RALGPS1: variants seen among roughly 807,000 people sequenced by gnomAD.
RALGPS1 encodes ras-specific guanine nucleotide-releasing factor RalGPS1.
A neutral mutation model predicts 78.8 loss-of-function variants in RALGPS1; 19 were observed. The ratio of observed to expected loss-of-function variants is 0.24; its 90% CI spans 0.17 to 0.35. RALGPS1 has a LOEUF of 0.35. RALGPS1 is among the 10% of genes least tolerant of loss of function. The pLI, the probability that RALGPS1 is intolerant of heterozygous loss-of-function variation, is 1.00. For synonymous variants in RALGPS1, 228 were observed against 256.3 expected, an observed-to-expected ratio of 0.89 and a Z score of 1.06; for missense variants, 454 against 688.3, an observed-to-expected ratio of 0.66 and a Z score of 3.81.
intron 1 of RALGPS1, among the ~76,000 whole-genome samples, chr9:126,929,528 C>T (rs192280160): frequency 1.4e-5 from 2 of 147,630 alleles, no homozygotes; most frequent in African/African-American, 4.9e-5. Flanking sequence ...CTTAGCTCAC[C>T]GCAACCTCCA....
Position 127,202,984 on chromosome 9 carries a change from G to A in RALGPS1, c.1247+3918G>A, listed in dbSNP as rs2061725739. 2.0e-5 allele frequency among the ~76,000 whole-genome samples: 3 copies of A among 152,158 alleles called. No homozygotes were observed. The South Asian group carries it at 6.2e-4, about 32-fold the overall frequency. On this transcript the variant is annotated intron_variant, in intron 14 of 18. Coordinates refer to ENST00000259351, the MANE Select transcript of RALGPS1 (RefSeq NM_014636.3). ...TCAGGATGATCTCCAACCAACCTCGGGCCCCTTGGAAACCAACAGGGAAGG... is the reference window on the plus strand; with the variant it reads ...TCAGGATGATCTCCAACCAACCTCGAGCCCCTTGGAAACCAACAGGGAAGG...
At chr9:127,163,784 A>G (rs1186308089) in intron 8 of RALGPS1, among the ~76,000 whole-genome samples, 1 of 152,264 alleles carries the variant, frequency 6.6e-6, no homozygotes, top group African/African-American at 2.4e-5. Flanking sequence ...TATAACTCTT[A>G]GTGCAGTGCT....
chr9:126,954,752 A>G (rs1490726726), intron 1 of RALGPS1, among the ~76,000 whole-genome samples: 2 of 152,212 alleles, frequency 1.3e-5, no homozygotes, highest in Non-Finnish European at 2.9e-5. Context: ...CAGTGAGCCA[A>G]GATTGCGCCA....
At chr9:126,918,842 T>G (rs1004236399) in intron 1 of RALGPS1, among the ~76,000 whole-genome samples, 1 of 151,960 alleles carries the variant, frequency 6.6e-6, no homozygotes, top group African/African-American at 2.4e-5. Context: ...CTGGCTAATT[T>G]TGTATTTTTA....
chr9:126,927,015 T>C (rs2035342932), intron 1 of RALGPS1, among the ~76,000 whole-genome samples: 1 of 152,164 alleles, frequency 6.6e-6, no homozygotes, highest in South Asian at 2.1e-4. Flanking sequence ...GGTTGCTTGG[T>C]GGACCTGCCC....
intron 4 of RALGPS1, among the ~76,000 whole-genome samples, chr9:127,027,513 A>G (rs148617104): frequency 6.6e-6 from 1 of 152,360 alleles, no homozygotes; most frequent in African/African-American, 2.4e-5. Flanking sequence ...AGTGAAATAT[A>G]TACAAATACA....
intron 11 of RALGPS1, chr9:127,177,805 C>A (rs2059966780): frequency 6.5e-7 from 1 of 1,539,986 alleles, no homozygotes; most frequent in Admixed American, 2.0e-5. Context: ...GTCAGCTGGG[C>A]AGCTAGGAGC....
intron 1 of RALGPS1, among the ~76,000 whole-genome samples, chr9:126,930,974 A>G (rs1269824102): frequency 1.3e-5 from 2 of 152,238 alleles, no homozygotes; most frequent in Non-Finnish European, 2.9e-5. Flanking sequence ...GAGAAAATGC[A>G]AAATAACAAA....
intron 8 of RALGPS1, chr9:127,094,042 C>T: frequency 8.1e-7 from 1 of 1,227,300 alleles, no homozygotes; most frequent in Non-Finnish European, 1.1e-6. Context: ...GCCACAGGCC[C>T]ACGGTCTGAG....
rs112642281 is a variant in RALGPS1 at position 127,193,159 on chromosome 9, G to A, written c.911-1932G>A. ...GAGGCAGGGAATTATCAGAGGAGAC[G>A]GGTAGGACCTGAGAGAAGAGAAGGG... On this transcript the variant is annotated intron_variant, in intron 11 of 18. Coordinates refer to ENST00000259351, the MANE Select transcript of RALGPS1 (RefSeq NM_014636.3). 7.9e-5 allele frequency among the ~76,000 whole-genome samples: 12 copies of A among 152,268 alleles called. 1 individual carries two copies. Among genetic ancestry groups the A allele is most frequent in the South Asian group, 2.1e-4 (1 of 4,820 alleles).
intron 4 of RALGPS1, among the ~76,000 whole-genome samples, chr9:126,990,531 C>T (rs1020464893): frequency 6.6e-6 from 1 of 152,198 alleles, no homozygotes; most frequent in Non-Finnish European, 1.5e-5. Flanking sequence ...CTCCAGTTCA[C>T]CACTTTGTGT....
intron 4 of RALGPS1, chr9:126,989,776 T>C: frequency 2.1e-6 from 3 of 1,400,360 alleles, no homozygotes; most frequent in South Asian, 1.5e-5. Flanking sequence ...AAAATACATA[T>C]TCCTGTGGGA....
chr9:127,184,321 G>GAA, intron 11 of RALGPS1: 1 of 259,080 alleles, frequency 3.9e-6, no homozygotes, highest in Non-Finnish European at 7.6e-6. Context: ...CCTTGTCTCA[G>GAA]GAAAAAAAAA....
At chr9:127,188,237 G>GT (rs2060790115) in intron 11 of RALGPS1, among the ~76,000 whole-genome samples, 1 of 150,444 alleles carries the variant, frequency 6.6e-6, no homozygotes, top group South Asian at 2.1e-4. Flanking sequence ...AATTTTTTGT[G>GT]TTTTTTAGTA....
intron 7 of RALGPS1, among the ~76,000 whole-genome samples, chr9:127,068,326 C>CT (rs1405534499): frequency 3.3e-5 from 5 of 152,150 alleles, no homozygotes; most frequent in Admixed American, 1.3e-4. Flanking sequence ...CTTACTGGGA[C>CT]TTTCAGCCCT....
At chr9:127,168,531 C>T (rs1289220569) in intron 9 of RALGPS1, 148 bp from the exon 10 acceptor site, 3 of 649,230 alleles carry the variant, frequency 4.6e-6, no homozygotes, top group African/African-American at 1.8e-5. Context: ...AGCACAGGGC[C>T]AGTCCCCAAA....
chr9:126,979,448 G>A (rs1452499341), intron 4 of RALGPS1, among the ~76,000 whole-genome samples: 1 of 152,198 alleles, frequency 6.6e-6, no homozygotes, highest in African/African-American at 2.4e-5. Context: ...ATAGGTGTGT[G>A]ATGGTTGCCT....
intron 4 of RALGPS1, among the ~76,000 whole-genome samples, chr9:127,028,170 A>G (rs1394427956): frequency 5.3e-5 from 8 of 152,130 alleles, no homozygotes; most frequent in Non-Finnish European, 1.2e-4. Context: ...GCTGGCCCTA[A>G]CTCAGGTGTG....
intron 8 of RALGPS1, among the ~76,000 whole-genome samples, chr9:127,161,868 G>A (rs2059040017): frequency 6.6e-6 from 1 of 152,128 alleles, no homozygotes; most frequent in East Asian, 1.9e-4. Context: ...CAGACAAACG[G>A]TATTCCCGGT....
Sources: gnomAD v4.1 joint callset for allele counts (sites outside exome capture counted in the v4.1 genomes callset) on GRCh38, gnomAD v4.1.1 for gene constraint, MANE v1.5 for transcripts, NCBI Gene and HGNC (gene_info 2026-07-23, HGNC 2026-07-21) for gene names.